KCND2: variants seen among roughly 807,000 people sequenced by gnomAD.
The protein encoded by KCND2 is potassium voltage-gated channel subfamily D member 2, also known as A-type voltage-gated potassium channel KCND2.
A neutral mutation model predicts 54.4 loss-of-function variants in KCND2; 16 were observed. The observed-to-expected ratio is 0.29, with a 90% CI of 0.20 to 0.45. KCND2 has a LOEUF of 0.45. KCND2 is among the 20% of genes least tolerant of loss of function. The pLI, the probability that KCND2 is intolerant of heterozygous loss-of-function variation, is 1.00. For missense variants in KCND2, 486 were observed against 824.2 expected (o/e 0.59, Z 5.02); for synonymous variants, 317 against 310.7 (o/e 1.02, Z -0.21).
At chr7:120,358,165 A>G (rs1398441081) in intron 1 of KCND2, among the ~76,000 whole-genome samples, 1 of 152,156 alleles carries the variant, frequency 6.6e-6, no homozygotes, top group Non-Finnish European at 1.5e-5. Flanking sequence ...GAAATTAACT[A>G]CAAGAGCAAA....
chr7:120,368,356 G>A (rs965222729), intron 1 of KCND2, among the ~76,000 whole-genome samples: 4 of 151,486 alleles, frequency 2.6e-5, no homozygotes, highest in Admixed American at 6.6e-5. Flanking sequence ...GACAGTTTAA[G>A]TATTTTTTTG....
intron 1 of KCND2, among the ~76,000 whole-genome samples, chr7:120,582,396 T>C (rs1584839702): frequency 1.3e-5 from 2 of 152,298 alleles, no homozygotes; most frequent in East Asian, 3.9e-4. Context: ...TAATATTCTA[T>C]AGTCAAACTG....
At chr7:120,664,262 T>C (rs749173051) in intron 1 of KCND2, among the ~76,000 whole-genome samples, 12 of 152,116 alleles carry the variant, frequency 7.9e-5, no homozygotes, top group Non-Finnish European at 1.2e-4. Flanking sequence ...ACACTGCTTA[T>C]GTATTTTTCT....
At chr7:120,696,690 T>C (rs1792336870) in intron 1 of KCND2, among the ~76,000 whole-genome samples, 1 of 152,212 alleles carries the variant, frequency 6.6e-6, no homozygotes, top group East Asian at 1.9e-4. Flanking sequence ...GTTCTTGTTA[T>C]GAAAGTGAGT....
intron 1 of KCND2, among the ~76,000 whole-genome samples, chr7:120,380,618 T>G (rs1800904443): frequency 6.6e-6 from 1 of 152,118 alleles, no homozygotes; most frequent in African/African-American, 2.4e-5. Context: ...TTTGCTTTTT[T>G]GTATATAGTT....
chr7:120,351,365 TACACACACACACACAC>T (rs59756091), intron 1 of KCND2, among the ~76,000 whole-genome samples: 26 of 94,778 alleles, frequency 2.7e-4, no homozygotes, highest in East Asian at 1.4e-3. Context: ...TCGAAGAGCA[TACACACACACACACAC>T]ACACACACAC....
In KCND2 at chr7:120,497,871, A is replaced by T. The variant is rs1298997986; in HGVS notation, c.1115+222124A>T. 2.0e-5 allele frequency among the ~76,000 whole-genome samples: 3 copies of T among 152,206 alleles called. No individual in the cohort carries two copies. In the East Asian group the frequency reaches 5.8e-4, roughly 29 times the overall value. On this transcript the variant is annotated intron_variant, in intron 1 of 5. Coordinates refer to ENST00000331113, the MANE Select transcript of KCND2 (RefSeq NM_012281.3). ...AGATGGATATATGTACTCAGGCAAA[A>T]CTCAGGTGTTTTACTTTTGTGGAAG...
At chr7:120,430,127 T>C (rs1801768415) in intron 1 of KCND2, among the ~76,000 whole-genome samples, 1 of 152,190 alleles carries the variant, frequency 6.6e-6, no homozygotes. Context: ...AAATTTGTTT[T>C]TTCACAGTTC....
intron 1 of KCND2, among the ~76,000 whole-genome samples, chr7:120,349,309 A>AAC (rs964021304): frequency 1.4e-3 from 124 of 89,386 alleles, no homozygotes; most frequent in Non-Finnish European, 2.3e-3. Flanking sequence ...CACACACACA[A>AAC]ACACACACAC....
intron 1 of KCND2, among the ~76,000 whole-genome samples, chr7:120,630,056 A>G (rs1025486661): frequency 6.6e-6 from 1 of 152,156 alleles, no homozygotes. Flanking sequence ...TGAGCACACC[A>G]AAGGAAAGAA....
chr7:120,550,333 C>A (rs1300808017), intron 1 of KCND2, among the ~76,000 whole-genome samples: 1 of 151,978 alleles, frequency 6.6e-6, no homozygotes, highest in Non-Finnish European at 1.5e-5. Flanking sequence ...TGAGGTAGCA[C>A]AACATTCAGC....
chr7:120,500,599 C>G (rs997395220), intron 1 of KCND2, among the ~76,000 whole-genome samples: 1 of 151,408 alleles, frequency 6.6e-6, no homozygotes, highest in Non-Finnish European at 1.5e-5. Context: ...TAGGGTGAGT[C>G]AATGCAAAAA....
At chr7:120,487,108 C>T (rs1159320733) in intron 1 of KCND2, among the ~76,000 whole-genome samples, 1 of 152,158 alleles carries the variant, frequency 6.6e-6, no homozygotes, top group Non-Finnish European at 1.5e-5. Context: ...CTCTCACCAT[C>T]CTGCCTGGCT....
At chr7:120,710,986 C>A (rs1198977727) in intron 1 of KCND2, among the ~76,000 whole-genome samples, 44 of 152,050 alleles carry the variant, frequency 2.9e-4, no homozygotes, top group Admixed American at 2.9e-3. Context: ...ATTCTGTATA[C>A]ATTGTTTCTT....
intron 1 of KCND2, among the ~76,000 whole-genome samples, chr7:120,474,151 GC>G (rs1160163489): frequency 6.6e-6 from 1 of 152,100 alleles, no homozygotes; most frequent in Non-Finnish European, 1.5e-5. Flanking sequence ...GAAGCCACCT[GC>G]CCCCATTCTC....
At chr7:120,324,479 A>G (rs1294506926) in intron 1 of KCND2, among the ~76,000 whole-genome samples, 2 of 148,874 alleles carry the variant, frequency 1.3e-5, no homozygotes, top group Non-Finnish European at 3.0e-5. Context: ...TTTTTGTATA[A>G]GGTGTAAGGA....
chr7:120,490,645 A>C (rs1416498922), intron 1 of KCND2, among the ~76,000 whole-genome samples: 1 of 152,114 alleles, frequency 6.6e-6, no homozygotes, highest in Non-Finnish European at 1.5e-5. Context: ...CATATCACAT[A>C]AAGTCTTAAG....
At chr7:120,658,722 T>G (rs1791832145) in intron 1 of KCND2, among the ~76,000 whole-genome samples, 1 of 152,160 alleles carries the variant, frequency 6.6e-6, no homozygotes, top group Admixed American at 6.5e-5. Context: ...AGCCCCAACA[T>G]GCCAAGGACT....
chr7:120,746,957 A>T (rs1238661621), intron 5 of KCND2: 1 of 152,150 alleles, frequency 6.6e-6, no homozygotes, highest in Non-Finnish European at 1.5e-5. Context: ...AAGATATTTT[A>T]GCTTTGCAGT....
Sources: allele counts gnomAD v4.1 joint callset (sites outside exome capture counted in the v4.1 genomes callset), GRCh38; gene constraint gnomAD v4.1.1; transcripts MANE v1.5; gene names NCBI Gene and HGNC (gene_info 2026-07-23, HGNC 2026-07-21).